PFKL: variants seen among roughly 807,000 people sequenced by gnomAD.
The protein encoded by PFKL is ATP-dependent 6-phosphofructokinase, liver type.
Under a neutral mutation model 92.1 loss-of-function variants are expected in PFKL, and 74 were observed. The ratio of observed to expected loss-of-function variants is 0.80; its 90% CI spans 0.67 to 0.97. The LOEUF (loss-of-function observed/expected upper bound fraction) is 0.97. PFKL is among the 50% of genes least tolerant of loss of function. The pLI is 0.00. For missense variants in PFKL, 1,028 were observed against 1,116.6 expected (o/e 0.92, Z 1.13); for synonymous variants, 494 against 456.4 (o/e 1.08, Z -1.05).
At chr21:44,300,257 G>T in intron 1 of PFKL, 67 bp downstream of exon 1, 4 of 787,938 alleles carry the variant, frequency 5.1e-6, no homozygotes, top group South Asian at 1.1e-4. Flanking sequence ...GGCCTCTCCG[G>T]AGCGCCCGCC....
chr21:44,300,425 C>T (rs928550135), intron 1 of PFKL, among the ~76,000 whole-genome samples: 13 of 152,240 alleles, frequency 8.5e-5, no homozygotes, highest in Admixed American at 3.3e-4. Flanking sequence ...CTTGGCGCCG[C>T]CCGCGCCCTG....
rs566385847 is a variant in PFKL, at chr21:44,325,041, G to A, written c.1878-112G>A. ...GTCCTTGGAGAGGGTGGGCCAGGGC[G>A]GCTTTCCTGGGAGCTGCCACTCCCT... On this transcript the variant is annotated intron_variant, in intron 18 of 21. Coordinates refer to ENST00000349048, the MANE Select transcript of PFKL (RefSeq NM_002626.6). 174 of 1,185,676 alleles carry A rather than the reference G, an allele frequency of 1.5e-4. No individual in the cohort carries two copies. The East Asian group carries it at 3.0e-3, about 20-fold the overall frequency. 73.4% of individuals were successfully genotyped at this position (1,185,676 alleles called of 1,614,324 possible).
chr21:44,312,889 CG>C, intron 4 of PFKL, 88 bp from the exon 5 acceptor site: 3 of 1,408,876 alleles, frequency 2.1e-6, no homozygotes, highest in Non-Finnish European at 3.0e-6. Context: ...GCCTGGGATG[CG>C]GGGGAAGGGG....
At chr21:44,308,032 G>C (rs1212274394) in intron 2 of PFKL, among the ~76,000 whole-genome samples, 1 of 152,212 alleles carries the variant, frequency 6.6e-6, no homozygotes, top group East Asian at 1.9e-4. Context: ...GCAGAGCCCA[G>C]CAGAGACCAG....
intron 2 of PFKL, among the ~76,000 whole-genome samples, chr21:44,308,148 CGGGTCCTGGGGCTGTCTCT>C (rs2041006345): frequency 6.6e-6 from 1 of 152,040 alleles, no homozygotes; most frequent in Non-Finnish European, 1.5e-5. Flanking sequence ...TGGGTGGGCG[CGGGTCCTGGGGCTGTCTCT>C]GGGTCCTGAG....
In PFKL at chr21:44,325,919, A is replaced by G. The variant is rs572778439; in HGVS notation, c.1990-42A>G. ...CACTGGCGTTGGCCTTGGCCCAGGC[A>G]GCCCAGGGGAGTCCAGGGAACCGGG... On this transcript the variant is annotated intron_variant, in intron 19 of 21. Transcript: ENST00000349048. The G allele has an allele frequency of 7.1e-5, 107 of 1,499,646 alleles. 1 individual carries two copies. The South Asian group carries it at 8.7e-4, about 12-fold the overall frequency. 92.9% of individuals were successfully genotyped at this position (1,499,646 alleles called of 1,614,324 possible).
At chr21:44,324,832 C>G in intron 17 of PFKL, 24 bp from the exon 18 acceptor site, 1 of 1,601,932 alleles carries the variant, frequency 6.2e-7, no homozygotes, top group South Asian at 1.1e-5. Context: ...TCCTCCGGCT[C>G]ATCCGTGTCC....
intron 14 of PFKL, 112 bp from the exon 15 acceptor site, chr21:44,322,850 A>C (rs1341415966): frequency 1.5e-6 from 1 of 677,758 alleles, no homozygotes; most frequent in Non-Finnish European, 2.5e-6. Flanking sequence ...CATTGCAGCG[A>C]CTGCTGACTG....
At chr21:44,308,136 A>G (rs2041005453) in intron 2 of PFKL, among the ~76,000 whole-genome samples, 1 of 151,876 alleles carries the variant, frequency 6.6e-6, no homozygotes, top group Non-Finnish European at 1.5e-5. Flanking sequence ...AAAAGAATGA[A>G]GTGGGTGGGC....
chr21:44,318,520 T>C lies in PFKL; in HGVS notation c.987T>C (p.Pro329=). 1 of 1,576,560 alleles carries C rather than the reference T, an allele frequency of 6.3e-7. No individual in the cohort carries two copies. Among genetic ancestry groups the C allele is most frequent in the Non-Finnish European group, 8.7e-7 (1 of 1,155,834 alleles). The change falls in exon 10 of 22, where the codon CCT becomes CCC. Residue 329 remains proline (P), a synonymous_variant. Transcript: ENST00000349048. The stretch of plus-strand genomic sequence containing the variant: ...TGATGGCGCTGCTGGAAGCCACGCC[T>C]GACACGCCGGCCTGCGTGGTCACCC... ...EAVMALLEAT[P]DTPACVVTLS...
At chr21:44,324,407 G>C in intron 16 of PFKL, 84 bp from the exon 17 acceptor site, 1 of 1,447,702 alleles carries the variant, frequency 6.9e-7, no homozygotes, top group Non-Finnish European at 9.5e-7. Context: ...TGGAGACACA[G>C]GGCTCCCTGC....
intron 1 of PFKL, among the ~76,000 whole-genome samples, chr21:44,303,520 C>T (rs2040839697): frequency 6.6e-6 from 1 of 151,764 alleles, no homozygotes; most frequent in Admixed American, 6.6e-5. Context: ...TTCTCTGGGC[C>T]CTTTGTCTAG....
intron 2 of PFKL, 55 bp from the exon 3 acceptor site, chr21:44,310,951 G>A: frequency 7.4e-7 from 1 of 1,350,110 alleles, no homozygotes; most frequent in Middle Eastern, 1.8e-4. Context: ...CAGACCACTT[G>A]CTGCCGGCCG....
At position 44,300,827 on chromosome 21, in the gene PFKL, G is replaced by A. The variant is rs546882694; in HGVS notation, c.85+637G>A. ...ACTGGGACTTGGCAGAGCTGGGTGG[G>A]GGTCCGGCCTGAGGGCGTGGTGTCC... On this transcript the variant is annotated intron_variant, in intron 1 of 21. Transcript: ENST00000349048. 7.2e-5 allele frequency among the ~76,000 whole-genome samples: 11 copies of A among 152,368 alleles called. No individual in the cohort carries two copies. In the East Asian group the frequency reaches 2.1e-3, roughly 29 times the overall value.
At chr21:44,307,245 A>G (rs1602002318) in intron 2 of PFKL, 3 of 984,350 alleles carry the variant, frequency 3.0e-6, no homozygotes, top group East Asian at 1.1e-4. Flanking sequence ...GTCTATGTTC[A>G]TTGTGTCCCC....
intron 19 of PFKL, chr21:44,325,687 C>T (rs773474363): frequency 2.9e-5 from 15 of 521,348 alleles, no homozygotes; most frequent in South Asian, 1.5e-4. Flanking sequence ...GAGGTGGGGC[C>T]GCTGGCTGCC....
chr21:44,319,931 C>A, intron 11 of PFKL, 153 bp from the exon 12 acceptor site: 1 of 666,802 alleles, frequency 1.5e-6, no homozygotes, highest in East Asian at 2.6e-5. Context: ...GGAAGGTGCC[C>A]TGCCTGGCAT....
At chr21:44,326,630 G>A in intron 21 of PFKL, 85 bp from the exon 22 acceptor site, 3 of 1,467,290 alleles carry the variant, frequency 2.0e-6, no homozygotes, top group Non-Finnish European at 2.7e-6. Flanking sequence ...TGCAGGGTCG[G>A]GGGGGGTGGG....
intron 1 of PFKL, among the ~76,000 whole-genome samples, chr21:44,304,913 C>T (rs1379652964): frequency 3.9e-5 from 6 of 152,272 alleles, no homozygotes; most frequent in South Asian, 2.1e-4. Flanking sequence ...CCTTTAGAGA[C>T]GGCGTTGCTT....
Sources: gnomAD v4.1 joint callset for allele counts (sites outside exome capture counted in the v4.1 genomes callset) on GRCh38, gnomAD v4.1.1 for gene constraint, MANE v1.5 for transcripts, NCBI Gene and HGNC (gene_info 2026-07-23, HGNC 2026-07-21) for gene names.